Variants in ATP11C observed in about 807,000 individuals in gnomAD.
The protein encoded by ATP11C is ATPase phospholipid transporting 11C (ATP11C blood group), also known as phospholipid-transporting ATPase IG.
ATP11C carries 36 observed loss-of-function variants against 97.4 expected under a neutral mutation model. That is an observed-to-expected ratio of 0.37 (90% confidence interval 0.28 to 0.49). The LOEUF is 0.49. ATP11C is among the 20% of genes least tolerant of loss of function. ATP11C has a pLI of 0.98. For missense variants in ATP11C, 730 were observed against 824.6 expected, an observed-to-expected ratio of 0.89 and a Z score of 1.40; for synonymous variants, 275 against 290.9, an observed-to-expected ratio of 0.95 and a Z score of 0.56.
In ATP11C at chrX:139,930,819, A is replaced by G. The variant is rs2085420587; in HGVS notation, c.27+1197T>C. 3.6e-5 allele frequency among the ~76,000 whole-genome samples: 4 copies of G among 112,440 alleles called. No homozygotes were observed. In the Admixed American group the frequency reaches 3.8e-4, roughly 11 times the overall value. ...GGATGTGCAAGTATTACTTTTAGCC[A>G]GTGTACACTTGTGAAAGTTTCAAAT... On this transcript the variant is annotated intron_variant, in intron 1 of 29. Transcript: ENST00000682941.
chrX:139,924,579 A>T (rs755643507), intron 1 of ATP11C, among the ~76,000 whole-genome samples: 2 of 111,036 alleles, frequency 1.8e-5, no homozygotes, highest in East Asian at 5.7e-4. Flanking sequence ...TCACCCTGAT[A>T]AGAGTGGCTC....
chrX:139,875,419 C>CA (rs35815603), intron 1 of ATP11C, among the ~76,000 whole-genome samples: 1,635 of 44,819 alleles, frequency 0.036, 49 homozygotes, highest in African/African-American at 0.084. Flanking sequence ...CCCATCTCCA[C>CA]AAAAAAAAAA....
At chrX:139,878,582 G>A (rs2084513842) in intron 1 of ATP11C, among the ~76,000 whole-genome samples, 1 of 111,676 alleles carries the variant, frequency 9.0e-6, no homozygotes, top group Admixed American at 9.6e-5. Context: ...AATCTGTTAG[G>A]TACCAAAGAC....
intron 1 of ATP11C, among the ~76,000 whole-genome samples, chrX:139,853,526 C>T (rs774540876): frequency 1.8e-5 from 2 of 110,651 alleles, no homozygotes; most frequent in East Asian, 2.9e-4. Context: ...ACAGTGTACC[C>T]TATTCCTTTA....
intron 1 of ATP11C, among the ~76,000 whole-genome samples, chrX:139,916,394 A>T (rs562394818): frequency 1.3e-4 from 14 of 111,774 alleles, no homozygotes; most frequent in African/African-American, 4.2e-4. Flanking sequence ...GTGAGGCATT[A>T]GGGATATAGC....
Position 139,814,859 on chromosome X carries a change from G to A in ATP11C, c.426+19C>T. The A allele has an allele frequency of 1.0e-6, 1 of 988,729 alleles. No individual in the cohort carries two copies. The highest frequency in any genetic ancestry group is 2.9e-5 in the Admixed American group (1 of 35,072). 81.5% of individuals were successfully genotyped at this position (988,729 alleles called of 1,213,427 possible). A position where few individuals can be genotyped will look rare whatever the true frequency, so the allele number is the denominator to read the frequency against. ...GTGTATTTTTACCATTAAAAAAGGA[G>A]TGGACTAAGAAAAAATACCTTGATT... is the stretch of plus-strand genomic sequence containing the variant. On this transcript the variant is annotated intron_variant, in intron 5 of 29. Coordinates refer to ENST00000682941, the MANE Select transcript of ATP11C (RefSeq NM_001353812.2).
intron 7 of ATP11C, among the ~76,000 whole-genome samples, chrX:139,801,021 T>C (rs1196742894): frequency 8.9e-6 from 1 of 112,207 alleles, no homozygotes; most frequent in Non-Finnish European, 1.9e-5. Context: ...CGCAAGTGCT[T>C]ACCACTAGAG....
At chrX:139,871,687 A>AT (rs1199725395) in intron 1 of ATP11C, among the ~76,000 whole-genome samples, 1 of 106,447 alleles carries the variant, frequency 9.4e-6, no homozygotes, top group Admixed American at 1.0e-4. Flanking sequence ...CACCTGGCTA[A>AT]TTTTTTTGTA....
Position 139,814,915 on chromosome X carries a change from T to C in ATP11C, c.389A>G (p.Asn130Ser), listed in dbSNP as rs1393975712. Residue 130 changes from asparagine (N) to serine (S), a missense_variant, in exon 5 of 30, where the codon AAT (asparagine) becomes AGT (serine). By Grantham distance (46) the Asn-to-Ser change is conservative. Coordinates refer to ENST00000682941, the MANE Select transcript of ATP11C (RefSeq NM_001353812.2). ...ACTTTCTTTTCTCACTCGCTTTGCATTTTCAATAATGTAAACAGTGCTTTT... is the reference window on the plus strand; with the variant it reads ...ACTTTCTTTTCTCACTCGCTTTGCACTTTCAATAATGTAAACAGTGCTTTT... ...VNKSTVYIIENAKRVRKESEK... is the reference protein window; with the variant it reads ...VNKSTVYIIESAKRVRKESEK... 5.9e-6 allele frequency: 7 copies of C among 1,187,510 alleles called. No homozygotes were observed. The highest frequency in any genetic ancestry group is 7.9e-6 in the Non-Finnish European group (7 of 884,686).
In ATP11C at chrX:139,814,907, G is replaced by A. The variant is rs965839431; in HGVS notation, c.397C>T (p.Arg133Ter). The change falls in exon 5 of 30, where the codon CGA (arginine) becomes TGA (stop). Residue 133 changes from arginine (R) to a stop codon, truncating the protein, a stop_gained. Transcript: ENST00000682941. LOFTEE classifies it high-confidence loss of function. The part of the protein sequence containing the change: ...STVYIIENAK[R>*]VRKESEKIKV... The stretch of plus-strand genomic sequence containing the variant: ...ATTTTTTCACTTTCTTTTCTCACTC[G>A]CTTTGCATTTTCAATAATGTAAACA... The A allele has an allele frequency of 3.4e-6, 4 of 1,176,712 alleles. No individual in the cohort carries two copies. Among genetic ancestry groups the A allele is most frequent in the Non-Finnish European group, 4.5e-6 (4 of 879,804 alleles).
At chrX:139,887,048 T>C (rs1288818410) in intron 1 of ATP11C, among the ~76,000 whole-genome samples, 1 of 111,924 alleles carries the variant, frequency 8.9e-6, no homozygotes, top group Non-Finnish European at 1.9e-5. Context: ...TCCACACATA[T>C]ATGGTCAATT....
At chrX:139,866,446 C>T (rs904509079) in intron 1 of ATP11C, among the ~76,000 whole-genome samples, 11 of 108,172 alleles carry the variant, frequency 1.0e-4, no homozygotes, top group Non-Finnish European at 1.9e-4. Context: ...AGCCAGGCAT[C>T]GTGGCTCACC....
chrX:139,913,473 T>G (rs1346602675), intron 1 of ATP11C, among the ~76,000 whole-genome samples: 1 of 111,743 alleles, frequency 8.9e-6, no homozygotes, highest in Non-Finnish European at 1.9e-5. Flanking sequence ...TAAGCCATCA[T>G]ATCCCCCTGT....
rs2085464143 is a variant in ATP11C at position 139,932,802 on chromosome X, G to A, written c.-760C>T. ...GGCCAGACTCCCTCTTCCGGGCGTGGTGGAGCCGGGCTCTGAGGCAGGGCA... is the reference window on the plus strand; with the variant it reads ...GGCCAGACTCCCTCTTCCGGGCGTGATGGAGCCGGGCTCTGAGGCAGGGCA... On this transcript the variant is annotated 5_prime_UTR_variant, in exon 1 of 30. Transcript: ENST00000682941. 1 of 111,876 alleles carries A rather than the reference G, an allele frequency of 8.9e-6. No homozygotes were observed. The highest frequency in any genetic ancestry group is 1.9e-5 in the Non-Finnish European group (1 of 53,023). The allele number at this position is 111,876 out of a possible 1,213,427, so 9.2% of individuals were successfully genotyped here.
chrX:139,818,975 T>G (rs995292608), intron 3 of ATP11C, among the ~76,000 whole-genome samples: 8 of 112,020 alleles, frequency 7.1e-5, no homozygotes, highest in Non-Finnish European at 1.3e-4. Context: ...CCAATTAGGC[T>G]GAAACTGGTA....
chrX:139,789,213 AAC>A, intron 13 of ATP11C, 112 bp downstream of exon 13: 1 of 618,866 alleles, frequency 1.6e-6, no homozygotes, highest in Non-Finnish European at 2.3e-6. Context: ...AAAAAAAAAA[AAC>A]AAAAACACAA....
At chrX:139,923,726 T>C (rs2085303134) in intron 1 of ATP11C, among the ~76,000 whole-genome samples, 1 of 111,940 alleles carries the variant, frequency 8.9e-6, no homozygotes, top group Non-Finnish European at 1.9e-5. Flanking sequence ...AATTCCCTCC[T>C]GGCTTCTACT....
At chrX:139,746,436 T>C (rs1364821673) in intron 24 of ATP11C, among the ~76,000 whole-genome samples, 1 of 111,928 alleles carries the variant, frequency 8.9e-6, no homozygotes, top group Non-Finnish European at 1.9e-5. Context: ...ACCACTAGTG[T>C]AGCAGCCGTG....
chrX:139,894,174 C>T (rs182963640), intron 1 of ATP11C, among the ~76,000 whole-genome samples: 1 of 112,190 alleles, frequency 8.9e-6, no homozygotes, highest in East Asian at 2.8e-4. Flanking sequence ...CTGAAACTCC[C>T]TAACAAATTT....
Sources: gnomAD v4.1 joint callset for allele counts (sites outside exome capture counted in the v4.1 genomes callset) on GRCh38, gnomAD v4.1.1 for gene constraint, MANE v1.5 for transcripts, NCBI Gene and HGNC (gene_info 2026-07-23, HGNC 2026-07-21) for gene names.